Variants in FOXK2 observed in about 807,000 individuals in gnomAD.
FOXK2 encodes the protein forkhead box K2.
In FOXK2, 24 loss-of-function variants were observed where a neutral mutation model predicts 53.3. The observed-to-expected ratio is 0.45, with a 90% CI of 0.33 to 0.63. The LOEUF (loss-of-function observed/expected upper bound fraction) is 0.63. Ranked by LOEUF, FOXK2 falls within the 30% of genes least tolerant of loss-of-function variation. The probability of loss-of-function intolerance (pLI) is 0.03; values close to 1 mark genes in which losing one functional copy is unlikely to be tolerated. For missense variants in FOXK2, 952 were observed against 910.5 expected (o/e 1.05, Z -0.59); for synonymous variants, 505 against 407.1 (o/e 1.24, Z -2.89).
At chr17:82,533,437 C>A (rs1266214244) in intron 1 of FOXK2, among the ~76,000 whole-genome samples, 2 of 152,000 alleles carry the variant, frequency 1.3e-5, no homozygotes, top group Admixed American at 6.6e-5. Flanking sequence ...TTGTAGTGAG[C>A]CGAGACCGTG....
intron 2 of FOXK2, 71 bp downstream of exon 2, chr17:82,563,619 TTCCC>T: frequency 7.2e-7 from 1 of 1,386,408 alleles, no homozygotes; most frequent in Non-Finnish European, 9.8e-7. Flanking sequence ...GCCTTTCTCC[TTCCC>T]TGGTGCTGAC....
chr17:82,594,838 G>A (rs1219235975), intron 8 of FOXK2, among the ~76,000 whole-genome samples: 1 of 152,222 alleles, frequency 6.6e-6, no homozygotes, highest in Non-Finnish European at 1.5e-5. Context: ...TTGTGCCCAG[G>A]AGTTCAAGAC....
Position 82,586,080 on chromosome 17 carries a change from G to T in FOXK2, c.1456G>T (p.Ala486Ser). 6.2e-7 allele frequency: 1 copy of T among 1,612,796 alleles called. No homozygotes were observed. Among genetic ancestry groups the T allele is most frequent in the Non-Finnish European group, 8.5e-7 (1 of 1,179,972 alleles). ...QIPAVSVTSV[A>S]GLAPANTYTV... ...CCCAGCGGTGTCGGTCACCAGTGTGGCCGGACTGGCCCCAGCGAACACGTA... is the reference window on the plus strand; with the variant it reads ...CCCAGCGGTGTCGGTCACCAGTGTGTCCGGACTGGCCCCAGCGAACACGTA... Residue 486 changes from alanine (A) to serine (S), a missense_variant, in exon 7 of 9, where the codon GCC (alanine) becomes TCC (serine). Physicochemically the swap from Ala to Ser is moderately conservative, Grantham distance 99. Around this residue, in one of 5 missense-constraint regions of FOXK2, gnomAD observed 551 missense variants for 385.1 expected, o/e 1.43. Transcript: ENST00000335255.
chr17:82,538,319 T>C (rs554736896), intron 1 of FOXK2, among the ~76,000 whole-genome samples: 1 of 152,226 alleles, frequency 6.6e-6, no homozygotes, highest in Non-Finnish European at 1.5e-5. Flanking sequence ...GAGACTTCTT[T>C]CTCTACAAAA....
chr17:82,563,664 T>G, intron 2 of FOXK2, 116 bp downstream of exon 2: 1 of 855,100 alleles, frequency 1.2e-6, no homozygotes, highest in Non-Finnish European at 1.7e-6. Context: ...TGAGGTGGTG[T>G]TTAAAATATC....
In FOXK2 at chr17:82,520,324, C is replaced by CG; in HGVS notation, c.419+21dup. 2.8e-6 allele frequency: 1 copy of CG among 352,042 alleles called. No homozygotes were observed. Among genetic ancestry groups the CG allele is most frequent in the East Asian group, 5.4e-5 (1 of 18,684 alleles). 21.8% of individuals were successfully genotyped at this position (352,042 alleles called of 1,614,324 possible). A position where few individuals can be genotyped will look rare whatever the true frequency, so the allele number is the denominator to read the frequency against. ...GCCGCGCGTGTGAGTGGCCTCGGGGCGGGGCGGGCGGGGTCTGCGGCCTGC... is the reference window on the plus strand; with the variant it reads ...GCCGCGCGTGTGAGTGGCCTCGGGGCGGGGGCGGGCGGGGTCTGCGGCCTGC... On this transcript the variant is annotated intron_variant, in intron 1 of 8. Transcript: ENST00000335255.
rs747122727 is a variant in FOXK2 at position 82,604,287 on chromosome 17, T to C, written c.*2788T>C. On this transcript the variant is annotated 3_prime_UTR_variant, in exon 9 of 9. Transcript: ENST00000335255. Reference sequence around the variant, plus strand: ...TGGTGCACTCAGAGTGTGTGCGGCATGATCCTCGGTTGCTCCTCCTCTCAC... The same window carrying C: ...TGGTGCACTCAGAGTGTGTGCGGCACGATCCTCGGTTGCTCCTCCTCTCAC... The C allele has an allele frequency of 9.2e-5, 14 of 152,390 alleles. No individual in the cohort carries two copies. Among genetic ancestry groups the C allele is most frequent in the Non-Finnish European group, 2.1e-4 (14 of 68,058 alleles). The allele number at this position is 152,390 out of a possible 1,614,324, so 9.4% of individuals were successfully genotyped here. A position where few individuals can be genotyped will look rare whatever the true frequency, so the allele number is the denominator to read the frequency against.
rs2044594447 is a variant in FOXK2, at chr17:82,543,633, A to T, written c.420-19721A>T. 1.3e-5 allele frequency among the ~76,000 whole-genome samples: 2 copies of T among 151,304 alleles called. 1 individual carries two copies. Among genetic ancestry groups the T allele is most frequent in the Middle Eastern group, 7.0e-3 (2 of 286 alleles). ...CATGATAGGGAAGAGTCTTTCTTTT[A>T]TTTTTATTTTTTAGTGAGACAGGGT... On this transcript the variant is annotated intron_variant, in intron 1 of 8. Coordinates refer to ENST00000335255, the MANE Select transcript of FOXK2 (RefSeq NM_004514.4).
chr17:82,539,385 G>A (rs1040930204), intron 1 of FOXK2, among the ~76,000 whole-genome samples: 3 of 151,824 alleles, frequency 2.0e-5, no homozygotes, highest in Non-Finnish European at 4.4e-5. Flanking sequence ...GGTGGCTCAG[G>A]CCTGTAGTCT....
chr17:82,536,689 C>T (rs1007457264), intron 1 of FOXK2, among the ~76,000 whole-genome samples: 1 of 152,210 alleles, frequency 6.6e-6, no homozygotes, highest in Non-Finnish European at 1.5e-5. Context: ...AAGCTCGAGG[C>T]CGAGGAGGTC....
chr17:82,563,227 G>T, intron 1 of FOXK2, 127 bp from the exon 2 acceptor site: 1 of 845,978 alleles, frequency 1.2e-6, no homozygotes, highest in Non-Finnish European at 1.8e-6. Flanking sequence ...TAATAACACG[G>T]TGAGCTGAGC....
chr17:82,545,230 G>A (rs1372850572), intron 1 of FOXK2, among the ~76,000 whole-genome samples: 3 of 152,172 alleles, frequency 2.0e-5, no homozygotes, highest in Non-Finnish European at 4.4e-5. Flanking sequence ...GACGTCATCA[G>A]CATCCACCTC....
intron 4 of FOXK2, among the ~76,000 whole-genome samples, chr17:82,579,278 C>G (rs1490071898): frequency 6.6e-6 from 1 of 152,188 alleles, no homozygotes; most frequent in Non-Finnish European, 1.5e-5. Context: ...CTGTCTTTGT[C>G]GGGGCACCAA....
chr17:82,535,282 C>CAAG (rs1325073325), intron 1 of FOXK2, among the ~76,000 whole-genome samples: 4 of 152,152 alleles, frequency 2.6e-5, no homozygotes, highest in Non-Finnish European at 5.9e-5. Context: ...TTTTGGCTTT[C>CAAG]AACACTGATT....
chr17:82,546,763 A>T (rs984241906), intron 1 of FOXK2, among the ~76,000 whole-genome samples: 1 of 151,990 alleles, frequency 6.6e-6, no homozygotes, highest in Non-Finnish European at 1.5e-5. Context: ...CACTGAGCCC[A>T]ACCTAAAACT....
intron 1 of FOXK2, among the ~76,000 whole-genome samples, chr17:82,557,908 C>T (rs1049487371): frequency 2.0e-5 from 3 of 152,122 alleles, no homozygotes; most frequent in Non-Finnish European, 2.9e-5. Context: ...CTGCTTTGGC[C>T]TCCCTCAATG....
At chr17:82,593,711 G>A (rs8074087) in intron 8 of FOXK2, 25,931 of 152,540 alleles carry the variant, frequency 0.17, 2,368 homozygotes, top group Middle Eastern at 0.23. Flanking sequence ...GTGCTCACGC[G>A]TGCCTCGGTG....
intron 1 of FOXK2, among the ~76,000 whole-genome samples, chr17:82,558,509 C>G (rs577604701): frequency 2.0e-5 from 3 of 152,298 alleles, no homozygotes; most frequent in South Asian, 4.1e-4. Flanking sequence ...GAGAAGCAGA[C>G]GAAACACTAA....
chr17:82,520,339 C>G, intron 1 of FOXK2, 32 bp downstream of exon 1: 1 of 1,243,488 alleles, frequency 8.0e-7, no homozygotes, highest in Non-Finnish European at 1.0e-6. Context: ...CGGGCGGGGT[C>G]TGCGGCCTGC....
Sources: allele counts gnomAD v4.1 joint callset (sites outside exome capture counted in the v4.1 genomes callset), GRCh38; gene constraint gnomAD v4.1.1; regional missense constraint gnomAD v4.1.1; transcripts MANE v1.5; gene names NCBI Gene and HGNC (gene_info 2026-07-23, HGNC 2026-07-21).